TPO: variants seen among roughly 807,000 people sequenced by gnomAD.
TPO encodes the protein thyroid microsomal antigen.
In TPO, 78 loss-of-function variants were observed where a neutral mutation model predicts 96.9. The ratio of observed to expected loss-of-function variants is 0.81; its 90% CI spans 0.67 to 0.97. The LOEUF is 0.97. Ranked by LOEUF, TPO falls within the 50% of genes least tolerant of loss-of-function variation. TPO has a pLI of 0.00. For synonymous variants in TPO, 547 were observed against 538.0 expected, an observed-to-expected ratio of 1.02 and a Z score of -0.23; for missense variants, 1,252 against 1,274.8, an observed-to-expected ratio of 0.98 and a Z score of 0.27.
At chr2:1,478,442 A>T (rs1384270548) in intron 8 of TPO, 1 of 975,554 alleles carries the variant, frequency 1.0e-6, no homozygotes, top group African/African-American at 1.8e-5. Context: ...GAGGCACTGG[A>T]GCCTTGTCCG....
intron 15 of TPO, among the ~76,000 whole-genome samples, chr2:1,535,155 C>CGTGCAACCTCCGCCTAT (rs1679305073): frequency 1.6e-4 from 1 of 6,292 alleles, no homozygotes; most frequent in Non-Finnish European, 3.5e-4. Context: ...AAATCCCCCC[C>CGTGCAACCTCCGCCTAT]CCCCCCATTG....
intron 3 of TPO, among the ~76,000 whole-genome samples, chr2:1,427,762 A>G (rs766354586): frequency 6.6e-6 from 1 of 152,074 alleles, no homozygotes; most frequent in South Asian, 2.1e-4. Flanking sequence ...CTGGGCTCAC[A>G]CTCCTTGAGC....
intron 14 of TPO, chr2:1,512,599 C>A: frequency 1.9e-6 from 1 of 531,276 alleles, no homozygotes; most frequent in Non-Finnish European, 2.4e-6. Context: ...ACACGTCTTC[C>A]CGCTGAGCCC....
chr2:1,524,672 G>GGCAACCTCCCCAAATCCCCCCACTGTGT (rs1676019911), intron 15 of TPO, among the ~76,000 whole-genome samples: 1 of 38,968 alleles, frequency 2.6e-5, no homozygotes, highest in Non-Finnish European at 5.1e-5. Context: ...CCCCACTGTG[G>GGCAACCTCCCCAAATCCCCCCACTGTGT]GCAACCTCCC....
At chr2:1,512,387 C>T (rs1008826289) in intron 14 of TPO, 3 of 985,478 alleles carry the variant, frequency 3.0e-6, no homozygotes, top group East Asian at 2.3e-4. Flanking sequence ...ATCTGCCTCT[C>T]CAGATCCTGC....
At chr2:1,472,168 T>C (rs1262656253) in intron 7 of TPO, among the ~76,000 whole-genome samples, 1 of 152,076 alleles carries the variant, frequency 6.6e-6, no homozygotes, top group Non-Finnish European at 1.5e-5. Context: ...CAAATGCTCA[T>C]GGCATGCCCT....
intron 14 of TPO, among the ~76,000 whole-genome samples, chr2:1,510,197 A>C (rs1389709430): frequency 6.6e-6 from 1 of 152,224 alleles, no homozygotes; most frequent in Non-Finnish European, 1.5e-5. Context: ...TCAATGGTTC[A>C]GATGTGAATT....
upstream of TPO, among the ~76,000 whole-genome samples, chr2:1,411,629 A>G (rs946960068): frequency 6.6e-6 from 1 of 152,194 alleles, no homozygotes; most frequent in Non-Finnish European, 1.5e-5. Flanking sequence ...TCCGGAGGTC[A>G]TAGATCCAAA....
chr2:1,502,356 C>T (rs1672956800), intron 13 of TPO, among the ~76,000 whole-genome samples: 1 of 152,126 alleles, frequency 6.6e-6, no homozygotes, highest in South Asian at 2.1e-4. Flanking sequence ...GTCAATAGCT[C>T]CAATCCCTTG....
chr2:1,374,069 CAA>C (rs1393506393), upstream of TPO, among the ~76,000 whole-genome samples: 4 of 152,216 alleles, frequency 2.6e-5, no homozygotes, highest in Admixed American at 1.3e-4. Context: ...CAGAAACAAA[CAA>C]GAGAGATGGT....
At chr2:1,435,324 AG>A (rs1168900759) in intron 4 of TPO, among the ~76,000 whole-genome samples, 2 of 152,230 alleles carry the variant, frequency 1.3e-5, no homozygotes, top group Non-Finnish European at 2.9e-5. Context: ...AGCTTTTTGA[AG>A]AATGCGTAAT....
At chr2:1,539,770 G>A (rs1338975374) in intron 15 of TPO, among the ~76,000 whole-genome samples, 1 of 150,554 alleles carries the variant, frequency 6.6e-6, no homozygotes. Flanking sequence ...TCAGGCAGGC[G>A]GGGCGGGGAA....
chr2:1,391,613 C>T (rs1662001716), intron 1 of TPO, among the ~76,000 whole-genome samples: 2 of 152,116 alleles, frequency 1.3e-5, no homozygotes, highest in Admixed American at 1.3e-4. Flanking sequence ...GGCAGTATGG[C>T]CATTTTCACA....
intron 10 of TPO, among the ~76,000 whole-genome samples, chr2:1,491,680 C>A (rs1173481708): frequency 6.6e-6 from 1 of 152,208 alleles, no homozygotes; most frequent in Non-Finnish European, 1.5e-5. Context: ...TCTATATAAA[C>A]CAAGTGTCTA....
chr2:1,509,690 G>A (rs1673872927), intron 14 of TPO, among the ~76,000 whole-genome samples: 1 of 74,484 alleles, frequency 1.3e-5, no homozygotes, highest in South Asian at 4.6e-4. Flanking sequence ...ACACTCTCTG[G>A]TTTCAGGCAC....
At chr2:1,415,522 C>T (rs1471643555) in intron 2 of TPO, among the ~76,000 whole-genome samples, 5 of 149,378 alleles carry the variant, frequency 3.3e-5, no homozygotes, top group Non-Finnish European at 5.9e-5. Flanking sequence ...GTCCCGGGGC[C>T]CCTGGAGCAG....
intron 1 of TPO, among the ~76,000 whole-genome samples, chr2:1,377,583 C>A (rs1295264335): frequency 6.6e-6 from 1 of 152,174 alleles, no homozygotes; most frequent in Non-Finnish European, 1.5e-5. Flanking sequence ...GACCCAGGGA[C>A]CAGGCTGTGA....
chr2:1,382,368 C>T (rs1406604975), intron 1 of TPO, among the ~76,000 whole-genome samples: 1 of 152,298 alleles, frequency 6.6e-6, no homozygotes, highest in East Asian at 1.9e-4. Flanking sequence ...ATCTTCAACA[C>T]AGAAACCCCA....
At position 1,432,354 on chromosome 2, in the gene TPO, C is replaced by T. The variant is rs538508377; in HGVS notation, c.180-1084C>T. Reference sequence around the variant, plus strand: ...CACCTCTGTGCTTTCTCTCCAGGTTCCCCAGGTCCTCAAATGCTAGTAGGC... The same window carrying T: ...CACCTCTGTGCTTTCTCTCCAGGTTTCCCAGGTCCTCAAATGCTAGTAGGC... On this transcript the variant is annotated intron_variant, in intron 3 of 16. Transcript: ENST00000329066. 2.6e-5 allele frequency among the ~76,000 whole-genome samples: 4 copies of T among 152,372 alleles called. No individual in the cohort carries two copies. The East Asian group carries it at 5.8e-4, about 22-fold the overall frequency.
Sources: allele counts gnomAD v4.1 joint callset (sites outside exome capture counted in the v4.1 genomes callset), GRCh38; gene constraint gnomAD v4.1.1; transcripts MANE v1.5; gene names NCBI Gene and HGNC (gene_info 2026-07-23, HGNC 2026-07-21).